The following PCDHA3 variants were observed in gnomAD, a reference collection of about 807,000 sequenced individuals.
PCDHA3 encodes protocadherin alpha-3.
In PCDHA3, 41 loss-of-function variants were observed where a neutral mutation model predicts 62.2. That is an observed-to-expected ratio of 0.66 (90% CI 0.51 to 0.86). The LOEUF (loss-of-function observed/expected upper bound fraction) is 0.86. Ranked by LOEUF, PCDHA3 falls within the 40% of genes least tolerant of loss-of-function variation. PCDHA3 has a pLI of 0.00. For synonymous variants in PCDHA3, 640 were observed against 555.4 expected (o/e 1.15, Z -2.14); for missense variants, 1,304 against 1,241.2 (o/e 1.05, Z -0.76).
At chr5:140,828,988 G>C (rs782358243) in intron 1 of PCDHA3, 1 of 1,613,864 alleles carries the variant, frequency 6.2e-7, no homozygotes, top group African/African-American at 1.3e-5. Context: ...ATCGAAATAC[G>C]GGAGAAATAG....
In PCDHA3 at chr5:141,005,964, A is replaced by G. The variant is rs189203283; in HGVS notation, c.2543-3663A>G. On this transcript the variant is annotated intron_variant, in intron 3 of 3. Transcript: ENST00000522353. The stretch of plus-strand genomic sequence containing the variant: ...CCTATCTCTAACAAACAACAATAAA[A>G]AAACAATTCCAAAGAGTGTTTGAGG... 1.8e-3 allele frequency among the ~76,000 whole-genome samples: 274 copies of G among 152,152 alleles called. 1 individual carries two copies. Among genetic ancestry groups the G allele is most frequent in the Middle Eastern group, 6.8e-3 (2 of 294 alleles).
At chr5:140,966,845 C>A in intron 1 of PCDHA3, 1 of 1,570,444 alleles carries the variant, frequency 6.4e-7, no homozygotes, top group Non-Finnish European at 8.6e-7. Flanking sequence ...GCTGCTACTG[C>A]CTCTCCTGCT....
intron 1 of PCDHA3, chr5:140,842,813 C>T (rs2150188208): frequency 2.5e-6 from 4 of 1,593,972 alleles, no homozygotes; most frequent in Non-Finnish European, 3.4e-6. Flanking sequence ...TGTGGAGCGG[C>T]GGGTGGGCGA....
chr5:140,905,368 T>G (rs536118800), intron 1 of PCDHA3, among the ~76,000 whole-genome samples: 47 of 152,336 alleles, frequency 3.1e-4, no homozygotes, highest in Non-Finnish European at 4.6e-4. Flanking sequence ...TATTTCTGGT[T>G]CTCTGTTCTG....
intron 1 of PCDHA3, chr5:140,834,636 T>A: frequency 1.9e-6 from 3 of 1,614,182 alleles, no homozygotes; most frequent in Non-Finnish European, 2.5e-6. Context: ...TGGCATTTTG[T>A]TTGTGAATTC....
chr5:140,826,087 T>C (rs1486098710), intron 1 of PCDHA3, among the ~76,000 whole-genome samples: 1 of 152,234 alleles, frequency 6.6e-6, no homozygotes, highest in East Asian at 1.9e-4. Flanking sequence ...ATTTTATAAG[T>C]ACCCTTCTAT....
chr5:140,903,753 A>T (rs1554191101), intron 1 of PCDHA3, among the ~76,000 whole-genome samples: 2 of 152,186 alleles, frequency 1.3e-5, no homozygotes, highest in African/African-American at 4.8e-5. Context: ...GTTTCCCTTG[A>T]TTTTTGCTGA....
chr5:140,839,374 AATT>A lies in PCDHA3; in HGVS notation c.2394+35789_2394+35791del, dbSNP rs2150296854. Among the ~76,000 whole-genome samples the A allele has an allele frequency of 6.0e-3, 174 of 29,192 alleles. 2 individuals carry two copies. In the South Asian group the frequency reaches 0.16, roughly 27 times the overall value. The allele number at this position is 29,192 out of a possible 152,430, so 19.2% of individuals were successfully genotyped here. On this transcript the variant is annotated intron_variant, in intron 1 of 3. Coordinates refer to ENST00000522353, the MANE Select transcript of PCDHA3 (RefSeq NM_018906.3). ...CTTAGCCACCTAAGCTGTATTCATC[AATT>A]ATTATGATGATGATGATGATTATTA...
In PCDHA3 at chr5:140,869,244, C is replaced by G. The variant is rs782454826; in HGVS notation, c.2394+65653C>G. 5.6e-6 allele frequency: 9 copies of G among 1,613,658 alleles called. 1 individual carries two copies. In the South Asian group the frequency reaches 7.7e-5, roughly 14 times the overall value. ...CCAAACACGGCACCTTCGTGGGCCG[C>G]ATCGCGCAGGACCTGGGGCTGGAGC... On this transcript the variant is annotated intron_variant, in intron 1 of 3. Coordinates refer to ENST00000522353, the MANE Select transcript of PCDHA3 (RefSeq NM_018906.3).
chr5:140,946,631 T>TATATACACAC (rs57893927), intron 1 of PCDHA3, among the ~76,000 whole-genome samples: 7 of 131,846 alleles, frequency 5.3e-5, no homozygotes, highest in Non-Finnish European at 1.1e-4. Context: ...TATATATATA[T>TATATACACAC]ACAATGGAAT....
At chr5:140,828,179 C>G (rs1377583653) in intron 1 of PCDHA3, 3 of 1,614,168 alleles carry the variant, frequency 1.9e-6, no homozygotes, top group Non-Finnish European at 2.5e-6. Context: ...GGGGAGCGGC[C>G]AGCTCCACTA....
intron 1 of PCDHA3, among the ~76,000 whole-genome samples, chr5:140,947,967 T>C (rs565128955): frequency 1.2e-4 from 18 of 151,462 alleles, no homozygotes; most frequent in Non-Finnish European, 2.2e-4. Flanking sequence ...ATTAAGTATG[T>C]GCTACTCATA....
rs1041924506 is a variant in PCDHA3 at position 140,932,800 on chromosome 5, C to T, written c.2395-46149C>T. ...GAGTGGACATAAGAGAAAAGCAATA[C>T]CTTGGAAACATATAAGTGGGAAAGT... On this transcript the variant is annotated intron_variant, in intron 1 of 3. Coordinates refer to ENST00000522353, the MANE Select transcript of PCDHA3 (RefSeq NM_018906.3). Among the ~76,000 whole-genome samples the T allele has an allele frequency of 2.6e-5, 4 of 151,684 alleles. No homozygotes were observed. The East Asian group carries it at 5.8e-4, about 22-fold the overall frequency.
Position 140,801,806 on chromosome 5 carries a change from G to A in PCDHA3, c.609G>A (p.Glu203=), listed in dbSNP as rs782356217. 5.0e-6 allele frequency: 8 copies of A among 1,614,034 alleles called. No homozygotes were observed. The highest frequency in any genetic ancestry group is 3.4e-6 in the Non-Finnish European group (4 of 1,180,026). Residue 203 remains glutamate (E), a synonymous_variant, in exon 1 of 4, where the codon GAG becomes GAA. Coordinates refer to ENST00000522353, the MANE Select transcript of PCDHA3 (RefSeq NM_018906.3). ...GLVLKKNLNR[E]DTPKHYLLIT... ...TGTTGAAAAAAAATTTAAATCGAGAGGACACTCCTAAGCATTATTTACTAA... is the reference window on the plus strand; with the variant it reads ...TGTTGAAAAAAAATTTAAATCGAGAAGACACTCCTAAGCATTATTTACTAA...
At chr5:140,830,167 G>A in intron 1 of PCDHA3, 2 of 1,613,548 alleles carry the variant, frequency 1.2e-6, no homozygotes, top group South Asian at 1.1e-5. Flanking sequence ...CAGAGGCGGC[G>A]CTGGTGGATG....
At chr5:140,816,930 A>G (rs2126676429) in intron 1 of PCDHA3, 1 of 152,186 alleles carries the variant, frequency 6.6e-6, no homozygotes, top group East Asian at 1.9e-4. Context: ...GCTGAATCCT[A>G]TCAGTGCCTG....
chr5:140,985,813 CA>C lies in PCDHA3; in HGVS notation c.2542+3251del, dbSNP rs527803363. 8.2e-5 allele frequency among the ~76,000 whole-genome samples: 12 copies of C among 146,604 alleles called. No homozygotes were observed. In the East Asian group the frequency reaches 2.3e-3, roughly 28 times the overall value. ...GGAGTGCAGTGGCACGATCTCAGCT[CA>C]CAACAAGCTCTGCCTCCCGGGTTCA... On this transcript the variant is annotated intron_variant, in intron 3 of 3. Transcript: ENST00000522353.
At chr5:140,946,752 A>C (rs1470208958) in intron 1 of PCDHA3, among the ~76,000 whole-genome samples, 1 of 151,470 alleles carries the variant, frequency 6.6e-6, no homozygotes, top group East Asian at 1.9e-4. Context: ...CAAATACTGC[A>C]TGATCTCATT....
intron 1 of PCDHA3, among the ~76,000 whole-genome samples, chr5:140,893,957 G>T (rs1308768731): frequency 1.3e-5 from 2 of 152,100 alleles, no homozygotes; most frequent in African/African-American, 4.8e-5. Context: ...GACTTTATTA[G>T]TCATTAGATA....
Sources: gnomAD v4.1 joint callset for allele counts (sites outside exome capture counted in the v4.1 genomes callset) on GRCh38, gnomAD v4.1.1 for gene constraint, MANE v1.5 for transcripts, NCBI Gene and HGNC (gene_info 2026-07-23, HGNC 2026-07-21) for gene names.